The following ARHGAP8 variants were observed in gnomAD, a reference collection of about 807,000 sequenced individuals.
ARHGAP8 encodes the protein Rho GTPase activating protein 8.
ARHGAP8 carries 62 observed loss-of-function variants against 46.1 expected under a neutral mutation model. That is an observed-to-expected ratio of 1.34 (90% CI 1.10 to 1.66). The LOEUF is 1.66. Among genes scored for constraint, ARHGAP8 ranks in the 40% most tolerant of loss-of-function variants. The pLI is 0.00. For synonymous variants in ARHGAP8, 375 were observed against 243.1 expected (o/e 1.54, Z -5.05); for missense variants, 923 against 568.4 (o/e 1.62, Z -6.34).
chr22:44,772,357 T>C (rs1175605389), intron 1 of ARHGAP8, among the ~76,000 whole-genome samples: 4 of 146,336 alleles, frequency 2.7e-5, no homozygotes, highest in Non-Finnish European at 6.0e-5. Flanking sequence ...TTTTTCTTTT[T>C]TTTTTTTTTT....
chr22:44,812,114 C>T (rs569773765), intron 4 of ARHGAP8, among the ~76,000 whole-genome samples: 6 of 152,260 alleles, frequency 3.9e-5, no homozygotes, highest in African/African-American at 1.4e-4. Flanking sequence ...TCCTCCAGAC[C>T]GTCCTGCCAG....
intron 10 of ARHGAP8, among the ~76,000 whole-genome samples, chr22:44,858,857 G>T (rs1163293371): frequency 6.6e-6 from 1 of 151,502 alleles, no homozygotes; most frequent in Non-Finnish European, 1.5e-5. Context: ...AGTTCGTCTA[G>T]AGCAGGGTTG....
intron 7 of ARHGAP8, among the ~76,000 whole-genome samples, chr22:44,840,328 G>A (rs557383867): frequency 6.6e-6 from 1 of 152,146 alleles, no homozygotes; most frequent in Non-Finnish European, 1.5e-5. Context: ...GTTCTGGGGG[G>A]TATCTGTTTC....
Position 44,825,506 on chromosome 22 carries a change from T to C in ARHGAP8, c.509T>C (p.Leu170Pro). The C allele has an allele frequency of 1.2e-6, 2 of 1,613,430 alleles. No homozygotes were observed. Among genetic ancestry groups the C allele is most frequent in the Non-Finnish European group, 1.7e-6 (2 of 1,179,822 alleles). The change falls in exon 7 of 12, where the codon CTG becomes CCG. Residue 170 changes from leucine (L) to proline (P), a missense_variant. Leu to Pro is a moderately conservative substitution (Grantham distance 98). Transcript: ENST00000356099. ...AGGTACGATGAGAAGCTCCAGAGCC[T>C]GCACGAGGGCCGGACGCCGCCTCCC... is the stretch of plus-strand genomic sequence containing the variant. ...VLRYDEKLQS[L>P]HEGRTPPPTK... is the part of the protein sequence containing the mutation.
At chr22:44,807,913 G>T (rs774644376) in intron 3 of ARHGAP8, among the ~76,000 whole-genome samples, 1 of 152,200 alleles carries the variant, frequency 6.6e-6, no homozygotes, top group African/African-American at 2.4e-5. Flanking sequence ...GCCTTAGAAG[G>T]ATGCATGTGA....
intron 1 of ARHGAP8, among the ~76,000 whole-genome samples, chr22:44,782,860 G>A (rs6006882): frequency 0.89 from 134,796 of 151,946 alleles, 60,059 homozygotes; most frequent in Non-Finnish European, 0.94. Flanking sequence ...CTCCTTGGCT[G>A]GGTCGTAGGT....
chr22:44,862,753 T>A lies in ARHGAP8; in HGVS notation c.*158T>A. The A allele has an allele frequency of 2.2e-6, 2 of 900,018 alleles. No individual in the cohort carries two copies. Among genetic ancestry groups the A allele is most frequent in the Non-Finnish European group, 1.6e-6 (1 of 625,044 alleles). 55.8% of individuals were successfully genotyped at this position (900,018 alleles called of 1,614,324 possible). ...CCTCTGGTCCTTGGACTCTTGTCCA[T>A]GGTTCCTGAGCTGTGGACCGGGATA... On this transcript the variant is annotated 3_prime_UTR_variant, in exon 12 of 12. Transcript: ENST00000356099.
intron 1 of ARHGAP8, among the ~76,000 whole-genome samples, chr22:44,761,166 G>T (rs1925102474): frequency 6.6e-6 from 1 of 152,248 alleles, no homozygotes; most frequent in East Asian, 1.9e-4. Context: ...ATCTGCTAAG[G>T]GAGGCCCATG....
intron 3 of ARHGAP8, 114 bp downstream of exon 3, chr22:44,802,278 C>A: frequency 7.3e-7 from 1 of 1,360,914 alleles, no homozygotes; most frequent in Non-Finnish European, 1.0e-6. Context: ...TCCTTTGTGA[C>A]CTTGCTGGTG....
intron 11 of ARHGAP8, among the ~76,000 whole-genome samples, chr22:44,861,781 C>T (rs184832761): frequency 3.9e-5 from 6 of 152,258 alleles, no homozygotes; most frequent in South Asian, 4.1e-4. Context: ...ATGACTCCCC[C>T]GTGCTGGGGT....
chr22:44,850,484 G>A (rs374607644), intron 10 of ARHGAP8: 1 of 152,338 alleles, frequency 6.6e-6, no homozygotes, highest in East Asian at 1.9e-4. Context: ...CTGTGTCCTA[G>A]AGAGAAGCTT....
In ARHGAP8 at chr22:44,841,310, T is replaced by G. The variant is rs141622690; in HGVS notation, c.597-3959T>G. Reference sequence around the variant, plus strand: ...TTGTACTGTAACAAGTCACATAGACTGCATGTTTTCTGCGTGCTGGGGTCC... The same window carrying G: ...TTGTACTGTAACAAGTCACATAGACGGCATGTTTTCTGCGTGCTGGGGTCC... On this transcript the variant is annotated intron_variant, in intron 7 of 11. Transcript: ENST00000356099. Among the ~76,000 whole-genome samples, 66 of 152,340 alleles carry G rather than the reference T, an allele frequency of 4.3e-4. 1 individual carries two copies. The East Asian group carries it at 6.6e-3, about 15-fold the overall frequency.
chr22:44,756,952 C>T (rs928760275), intron 1 of ARHGAP8, among the ~76,000 whole-genome samples: 1 of 152,016 alleles, frequency 6.6e-6, no homozygotes, highest in African/African-American at 2.4e-5. Flanking sequence ...GAGATAGGAT[C>T]TTGCTCTGTT....
chr22:44,818,318 G>T (rs906479419), intron 5 of ARHGAP8, among the ~76,000 whole-genome samples: 1 of 151,794 alleles, frequency 6.6e-6, no homozygotes, highest in Admixed American at 6.6e-5. Flanking sequence ...GCGTGGTGGC[G>T]CATGACTGTA....
intron 5 of ARHGAP8, among the ~76,000 whole-genome samples, chr22:44,818,274 C>A (rs1161801389): frequency 2.0e-5 from 3 of 152,046 alleles, no homozygotes; most frequent in Non-Finnish European, 4.4e-5. Context: ...CATGGTGAAA[C>A]CCCGTCTCTA....
intron 4 of ARHGAP8, among the ~76,000 whole-genome samples, chr22:44,812,174 C>T (rs1372151788): frequency 1.3e-5 from 2 of 151,994 alleles, no homozygotes; most frequent in Non-Finnish European, 2.9e-5. Flanking sequence ...TTCATGACCC[C>T]ACTTCTGGGA....
At chr22:44,765,990 G>A (rs1032064316) in intron 1 of ARHGAP8, 6 of 152,366 alleles carry the variant, frequency 3.9e-5, no homozygotes, top group African/African-American at 7.2e-5. Flanking sequence ...GAGGCACTGG[G>A]GCTCCGCCTG....
intron 1 of ARHGAP8, among the ~76,000 whole-genome samples, chr22:44,776,890 A>C (rs868175174): frequency 2.0e-5 from 3 of 151,984 alleles, no homozygotes; most frequent in African/African-American, 7.2e-5. Context: ...CCCCTGCCTC[A>C]AGGCCCACTG....
At chr22:44,794,065 G>T (rs1019491291) in intron 2 of ARHGAP8, among the ~76,000 whole-genome samples, 4 of 152,180 alleles carry the variant, frequency 2.6e-5, no homozygotes, top group Admixed American at 2.0e-4. Flanking sequence ...AGTCAGCCTC[G>T]GCCAGCTGCT....
Sources: allele counts gnomAD v4.1 joint callset (sites outside exome capture counted in the v4.1 genomes callset), GRCh38; gene constraint gnomAD v4.1.1; transcripts MANE v1.5; gene names NCBI Gene and HGNC (gene_info 2026-07-23, HGNC 2026-07-21).